COPS3: variants seen among roughly 807,000 people sequenced by gnomAD.
The protein encoded by COPS3 is COP9 signalosome complex subunit 3.
A neutral mutation model predicts 58.2 loss-of-function variants in COPS3; 10 were observed. The ratio of observed to expected loss-of-function variants is 0.17; its 90% CI spans 0.11 to 0.29. The LOEUF (loss-of-function observed/expected upper bound fraction) is 0.29. Ranked by LOEUF, COPS3 falls within the 10% of genes least tolerant of loss-of-function variation. The pLI is 1.00. For synonymous variants in COPS3, 187 were observed against 181.7 expected, an observed-to-expected ratio of 1.03 and a Z score of -0.24; for missense variants, 333 against 510.1, an observed-to-expected ratio of 0.65 and a Z score of 3.34.
chr17:17,274,901 C>G (rs116463113), intron 2 of COPS3, among the ~76,000 whole-genome samples: 1 of 151,976 alleles, frequency 6.6e-6, no homozygotes, highest in Non-Finnish European at 1.5e-5. Context: ...GAAGGATCAC[C>G]TGAGTCCTCC....
chr17:17,257,971 T>C (rs957150466), intron 8 of COPS3, among the ~76,000 whole-genome samples: 1 of 152,130 alleles, frequency 6.6e-6, no homozygotes, highest in Non-Finnish European at 1.5e-5. Context: ...CTTTGGATTT[T>C]CTAGTAAGAA....
chr17:17,250,254 CTTTT>C (rs113179216), intron 9 of COPS3, among the ~76,000 whole-genome samples: 81 of 127,628 alleles, frequency 6.3e-4, no homozygotes, highest in African/African-American at 2.1e-3. Context: ...CTTACATCGC[CTTTT>C]TTTTTTTTTT....
At chr17:17,266,181 CT>C (rs1305281980) in intron 5 of COPS3, among the ~76,000 whole-genome samples, 36 of 152,304 alleles carry the variant, frequency 2.4e-4, no homozygotes, top group African/African-American at 8.7e-4. Context: ...CCCATGCAGA[CT>C]TCTAAAACCA....
Position 17,267,922 on chromosome 17 carries a change from G to C in COPS3, c.404C>G (p.Thr135Arg), listed in dbSNP as rs200477537. The change falls in exon 5 of 12, where the codon ACA (threonine) becomes AGA (arginine). Residue 135 changes from threonine to arginine, a missense_variant. Physicochemically the swap from Thr to Arg is moderately conservative, Grantham distance 71 (BLOSUM62 -1). Transcript: ENST00000268717. ...AGCATGTATTGAGGTCAGCTGGTTTGTATTCATCTGCATCTTGTCTATGGC... is the reference window on the plus strand; with the variant it reads ...AGCATGTATTGAGGTCAGCTGGTTTCTATTCATCTGCATCTTGTCTATGGC... ...KQAIDKMQMNTNQLTSIHADL... is the reference protein window; with the variant it reads ...KQAIDKMQMNRNQLTSIHADL... 6.2e-7 allele frequency: 1 copy of C among 1,614,026 alleles called. No homozygotes were observed. The highest frequency in any genetic ancestry group is 1.1e-5 in the South Asian group (1 of 91,070).
chr17:17,259,153 C>T (rs1434356963), intron 8 of COPS3, among the ~76,000 whole-genome samples: 1 of 152,140 alleles, frequency 6.6e-6, no homozygotes, highest in Non-Finnish European at 1.5e-5. Flanking sequence ...AAAAAAACAG[C>T]TACCCTATTC....
Position 17,249,042 on chromosome 17 carries a change from G to GA in COPS3, c.1024-4_1024-3insT. On this transcript the variant is annotated splice_polypyrimidine_tract_variant and splice_region_variant and intron_variant, in intron 9 of 11. Transcript: ENST00000268717. Reference sequence around the variant, plus strand: ...GCAAAAATCTCACCATCTTCTATCTGCAGAAAGAAAAAAAAAAAAATCAGG... The same window carrying GA: ...GCAAAAATCTCACCATCTTCTATCTGACAGAAAGAAAAAAAAAAAAATCAGG... The GA allele has an allele frequency of 6.5e-7, 1 of 1,537,178 alleles. No homozygotes were observed. Among genetic ancestry groups the GA allele is most frequent in the Admixed American group, 2.0e-5 (1 of 50,258 alleles).
intron 2 of COPS3, among the ~76,000 whole-genome samples, chr17:17,275,102 T>G (rs2048433770): frequency 6.6e-6 from 1 of 151,770 alleles, no homozygotes. Flanking sequence ...TGATTTTTTT[T>G]TTTTTTTTGA....
intron 5 of COPS3, among the ~76,000 whole-genome samples, 153 bp from the exon 6 acceptor site, chr17:17,265,134 T>C (rs559010084): frequency 2.5e-4 from 38 of 152,244 alleles, no homozygotes; most frequent in Non-Finnish European, 4.3e-4. Flanking sequence ...ACACATTTCA[T>C]GTATCTGCTA....
intron 2 of COPS3, among the ~76,000 whole-genome samples, chr17:17,273,761 A>G (rs2048400848): frequency 2.0e-5 from 3 of 152,194 alleles, no homozygotes; most frequent in Admixed American, 2.0e-4. Context: ...CTGAGGTTGG[A>G]AGATCACTTG....
At chr17:17,267,530 C>T (rs112598683) in intron 5 of COPS3, among the ~76,000 whole-genome samples, 1 of 148,852 alleles carries the variant, frequency 6.7e-6, no homozygotes, top group Non-Finnish European at 1.5e-5. Flanking sequence ...CTCAGCTACG[C>T]GAGAGGCTGA....
intron 1 of COPS3, among the ~76,000 whole-genome samples, chr17:17,277,561 G>T (rs891744112): frequency 6.6e-6 from 1 of 152,104 alleles, no homozygotes; most frequent in African/African-American, 2.4e-5. Context: ...GGAACTACAG[G>T]TGTACGTCAC....
chr17:17,255,485 C>CAGAAAAAAAAA (rs551239765), intron 8 of COPS3, among the ~76,000 whole-genome samples: 1 of 129,034 alleles, frequency 7.7e-6, no homozygotes, highest in African/African-American at 3.1e-5. Context: ...GACTCTATTT[C>CAGAAAAAAAAA]AAAAAAAAAA....
intron 9 of COPS3, among the ~76,000 whole-genome samples, chr17:17,251,661 C>T (rs1013841691): frequency 1.3e-5 from 2 of 152,160 alleles, no homozygotes; most frequent in Non-Finnish European, 2.9e-5. Flanking sequence ...GAATGAACTA[C>T]GGCTACATAC....
intron 6 of COPS3, 77 bp downstream of exon 6, chr17:17,264,725 C>G: frequency 7.7e-7 from 1 of 1,300,144 alleles, no homozygotes; most frequent in Non-Finnish European, 1.1e-6. Flanking sequence ...TCAGACCACT[C>G]TAGCCACAAA....
At chr17:17,270,671 C>T (rs2048324379) in intron 4 of COPS3, 87 bp downstream of exon 4, 1 of 1,216,088 alleles carries the variant, frequency 8.2e-7, no homozygotes, top group Non-Finnish European at 1.2e-6. Flanking sequence ...ATGCTCAGTA[C>T]TAACTGGAAT....
Position 17,251,833 on chromosome 17 carries a change from C to A in COPS3, c.1024-2794G>T, listed in dbSNP as rs576334263. ...GGGCACGGTGGCTCATGCCTGTAAT[C>A]CCAGCACTTTGGGAGGCCGAGGTCA... On this transcript the variant is annotated intron_variant, in intron 9 of 11. Transcript: ENST00000268717. Among the ~76,000 whole-genome samples, 3 of 151,840 alleles carry A rather than the reference C, an allele frequency of 2.0e-5. No homozygotes were observed. The South Asian group carries it at 6.2e-4, about 32-fold the overall frequency.
chr17:17,264,324 G>A (rs1002495218), intron 6 of COPS3, among the ~76,000 whole-genome samples: 1 of 149,150 alleles, frequency 6.7e-6, no homozygotes, highest in Non-Finnish European at 1.5e-5. Context: ...ACCAAATTGT[G>A]TACTATGTTT....
intron 9 of COPS3, among the ~76,000 whole-genome samples, chr17:17,250,674 G>C (rs1242677430): frequency 6.6e-6 from 1 of 152,156 alleles, no homozygotes; most frequent in African/African-American, 2.4e-5. Context: ...GTTAAAAAGT[G>C]AGATACCAAT....
chr17:17,268,094 T>A (rs2048267137), intron 4 of COPS3, 117 bp from the exon 5 acceptor site: 1 of 1,334,234 alleles, frequency 7.5e-7, no homozygotes, highest in Non-Finnish European at 9.7e-7. Flanking sequence ...TAAATAGCAA[T>A]ATGAGGTTTC....
Sources: allele counts gnomAD v4.1 joint callset (sites outside exome capture counted in the v4.1 genomes callset), GRCh38; gene constraint gnomAD v4.1.1; transcripts MANE v1.5; gene names NCBI Gene and HGNC (gene_info 2026-07-23, HGNC 2026-07-21).